Variants in KIF12 observed in about 807,000 individuals in gnomAD.
KIF12 encodes the protein kinesin-like protein KIF12.
In KIF12, 80 loss-of-function variants were observed where a neutral mutation model predicts 87.9. That is an observed-to-expected ratio of 0.91 (90% CI 0.76 to 1.10). The LOEUF (loss-of-function observed/expected upper bound fraction) is 1.10, where lower values mean the gene tolerates loss of function less well. Ranked by LOEUF, KIF12 falls within the 50% of genes least tolerant of loss-of-function variation. The pLI, the probability that KIF12 is intolerant of heterozygous loss-of-function variation, is 0.00. For synonymous variants in KIF12, 353 were observed against 348.5 expected, an observed-to-expected ratio of 1.01 and a Z score of -0.14; for missense variants, 819 against 865.3, an observed-to-expected ratio of 0.95 and a Z score of 0.67.
At position 114,096,538 on chromosome 9, in the gene KIF12, AG is replaced by A. The variant is rs995567431; in HGVS notation, c.647-61del. The A allele has an allele frequency of 1.7e-5, 23 of 1,379,822 alleles. No homozygotes were observed. The Admixed American group carries it at 4.5e-4, about 27-fold the overall frequency. 85.5% of individuals were successfully genotyped at this position (1,379,822 alleles called of 1,614,324 possible). A position where few individuals can be genotyped will look rare whatever the true frequency, so the allele number is the denominator to read the frequency against. Reference sequence around the variant, plus strand: ...AGGAAGAACAGGTCATCATCAATGAAGAAAAAGGAGCAAAGGAATCCTGGCG... The same window carrying A: ...AGGAAGAACAGGTCATCATCAATGAAAAAAAGGAGCAAAGGAATCCTGGCG... On this transcript the variant is annotated intron_variant, in intron 7 of 18. Transcript: ENST00000640217.
intron 3 of KIF12, among the ~76,000 whole-genome samples, chr9:114,098,685 G>A (rs1443715025): frequency 1.4e-4 from 11 of 80,614 alleles, no homozygotes; most frequent in African/African-American, 6.1e-4. Flanking sequence ...GAGGGGCGGG[G>A]CATTCTGGGG....
At position 114,094,389 on chromosome 9, in the gene KIF12, G is replaced by A. The variant is rs1847121883; in HGVS notation, c.1186C>T (p.Arg396Cys). The stretch of plus-strand genomic sequence containing the variant: ...ATTTGGTCCAGCTGGAACTGCAGGC[G>A]ACGGTTCTCCTCCTGGAGCTGCAGC... ...EMLQLQEENR[R>C]LQFQLDQMDC... is the part of the protein sequence containing the mutation. Residue 396 changes from arginine (R) to cysteine (C), a missense_variant, in exon 12 of 19, where the codon CGC (arginine) becomes TGC (cysteine). By Grantham distance (180) the Arg-to-Cys change is radical. Coordinates refer to ENST00000640217, the MANE Select transcript of KIF12 (RefSeq NM_001388308.1). 8 of 1,614,044 alleles carry A rather than the reference G, an allele frequency of 5.0e-6. No individual in the cohort carries two copies. Among genetic ancestry groups the A allele is most frequent in the East Asian group, 2.2e-5 (1 of 44,884 alleles).
At chr9:114,094,497 A>T in intron 11 of KIF12, 42 bp from the exon 12 acceptor site, 1 of 1,220,186 alleles carries the variant, frequency 8.2e-7, no homozygotes, top group South Asian at 1.3e-5. Flanking sequence ...TGGTTGTATA[A>T]GTCGTGCACT....
At chr9:114,095,174 C>T in intron 10 of KIF12, 40 bp downstream of exon 10, 1 of 1,611,252 alleles carries the variant, frequency 6.2e-7, no homozygotes, top group Non-Finnish European at 8.5e-7. Flanking sequence ...GGGCCCCTTC[C>T]TCAAGACCCA....
intron 13 of KIF12, 71 bp downstream of exon 13, chr9:114,094,110 C>A: frequency 6.7e-7 from 1 of 1,503,040 alleles, no homozygotes. Flanking sequence ...GGAGAGGAGG[C>A]AGTTTGCCAG....
intron 18 of KIF12, 152 bp downstream of exon 18, chr9:114,092,181 A>G (rs752265801): frequency 4.0e-5 from 60 of 1,484,276 alleles, no homozygotes; most frequent in Non-Finnish European, 5.0e-5. Flanking sequence ...GCTCCTAAAA[A>G]GAGAATTCCA....
Position 114,097,707 on chromosome 9 carries a change from C to T in KIF12, c.410G>A (p.Gly137Asp). 6.2e-7 allele frequency: 1 copy of T among 1,614,100 alleles called. No homozygotes were observed. The highest frequency in any genetic ancestry group is 1.7e-4 in the Middle Eastern group (1 of 6,048). Reference sequence around the variant, plus strand: ...CCAGGCGAAGGTCCTCTGCATGATGCCAGCCAGGCTGGGGGGTACAGGCAC... The same window carrying T: ...CCAGGCGAAGGTCCTCTGCATGATGTCAGCCAGGCTGGGGGGTACAGGCAC... Reference protein sequence around the residue: ...EGVPVPPSLAGIMQRTFAWLL... With the variant: ...EGVPVPPSLADIMQRTFAWLL... The change falls in exon 6 of 19, where the codon GGC becomes GAC. Residue 137 changes from glycine (G) to aspartate (D), a missense_variant. Coordinates refer to ENST00000640217, the MANE Select transcript of KIF12 (RefSeq NM_001388308.1).
intron 16 of KIF12, chr9:114,092,883 T>C (rs919226645): frequency 1.4e-6 from 2 of 1,430,402 alleles, no homozygotes; most frequent in Admixed American, 5.9e-5. Context: ...TATTTCTGAC[T>C]CCTCAGAGCC....
At chr9:114,094,614 C>A (rs963024513) in intron 11 of KIF12, among the ~76,000 whole-genome samples, 159 bp from the exon 12 acceptor site, 1 of 152,206 alleles carries the variant, frequency 6.6e-6, no homozygotes, top group African/African-American at 2.4e-5. Flanking sequence ...CTGGAAGGGG[C>A]ACCTTGTCCT....
intron 14 of KIF12, 42 bp from the exon 15 acceptor site, chr9:114,093,539 T>A: frequency 1.4e-6 from 2 of 1,473,902 alleles, no homozygotes; most frequent in Non-Finnish European, 1.9e-6. Flanking sequence ...CCTCCAACCC[T>A]ACCACCAAGC....
rs1847302709 is a variant in KIF12, at chr9:114,097,840, CCAAA to C, written c.376-103_376-100del. The C allele has an allele frequency of 3.8e-6, 5 of 1,327,236 alleles. 1 individual carries two copies. The South Asian group carries it at 5.6e-5, about 15-fold the overall frequency. 82.2% of individuals were successfully genotyped at this position (1,327,236 alleles called of 1,614,324 possible). A position where few individuals can be genotyped will look rare whatever the true frequency, so the allele number is the denominator to read the frequency against. The stretch of plus-strand genomic sequence containing the variant: ...GTGCGCCGGGAAACGTGCCAAGTTC[CCAAA>C]CAATGGCTCATTTAATTCATAGTCG... On this transcript the variant is annotated intron_variant, in intron 5 of 18. Transcript: ENST00000640217.
Position 114,098,158 on chromosome 9 carries a change from G to A in KIF12, c.332C>T (p.Thr111Met). Residue 111 changes from threonine to methionine, a missense_variant, in exon 5 of 19, where the codon ACG becomes ATG. Coordinates refer to ENST00000640217, the MANE Select transcript of KIF12 (RefSeq NM_001388308.1). ...CAGGGTGTAGGTCTTCCCAGAGCCC[G>A]TCTGGCCAAAGGTGAAAACAGTGCA... ...FSCTVFTFGQTGSGKTYTLTG... is the reference protein window; with the variant it reads ...FSCTVFTFGQMGSGKTYTLTG... 1 of 1,548,588 alleles carries A rather than the reference G, an allele frequency of 6.5e-7. No individual in the cohort carries two copies. The highest frequency in any genetic ancestry group is 8.7e-7 in the Non-Finnish European group (1 of 1,146,404).
chr9:114,094,388 C>T lies in KIF12; in HGVS notation c.1187G>A (p.Arg396His), dbSNP rs376905379. ...CATTTGGTCCAGCTGGAACTGCAGG[C>T]GACGGTTCTCCTCCTGGAGCTGCAG... The part of the protein sequence containing the change: ...EMLQLQEENR[R>H]LQFQLDQMDC... Residue 396 changes from arginine to histidine, a missense_variant, in exon 12 of 19, where the codon CGC becomes CAC. Transcript: ENST00000640217. 31 of 1,613,874 alleles carry T rather than the reference C, an allele frequency of 1.9e-5. No individual in the cohort carries two copies. Among genetic ancestry groups the T allele is most frequent in the Middle Eastern group, 1.6e-4 (1 of 6,084 alleles).
intron 5 of KIF12, 126 bp downstream of exon 5, chr9:114,097,989 C>A: frequency 3.8e-6 from 4 of 1,064,122 alleles, no homozygotes; most frequent in East Asian, 2.6e-5. Flanking sequence ...TCCTCGTCTG[C>A]AAACAAGCGG....
At chr9:114,095,153 C>G in intron 10 of KIF12, 26 bp from the exon 11 acceptor site, 1 of 1,608,294 alleles carries the variant, frequency 6.2e-7, no homozygotes. Context: ...CCCCTGAGCG[C>G]TCCTCTCTGA....
intron 16 of KIF12, chr9:114,092,865 G>A (rs949114300): frequency 4.2e-5 from 60 of 1,432,272 alleles, no homozygotes; most frequent in South Asian, 2.9e-4. Flanking sequence ...CAGGAACCAC[G>A]TCTGGTCTAT....
At chr9:114,095,433 C>T in intron 9 of KIF12, 101 bp from the exon 10 acceptor site, 1 of 1,242,212 alleles carries the variant, frequency 8.1e-7, no homozygotes, top group African/African-American at 1.5e-5. Context: ...CCTGTGTTGC[C>T]CTAAAAACCC....
intron 7 of KIF12, 31 bp downstream of exon 7, chr9:114,097,270 A>C: frequency 1.2e-6 from 2 of 1,600,696 alleles, no homozygotes; most frequent in Non-Finnish European, 1.7e-6. Flanking sequence ...GGGCACCCCT[A>C]CCCGCAAAAC....
intron 16 of KIF12, chr9:114,092,892 C>G (rs942315105): frequency 7.0e-7 from 1 of 1,431,202 alleles, no homozygotes; most frequent in Non-Finnish European, 9.1e-7. Flanking sequence ...CTCCTCAGAG[C>G]CCAGAAGAGA....
Sources: allele counts gnomAD v4.1 joint callset (sites outside exome capture counted in the v4.1 genomes callset), GRCh38; gene constraint gnomAD v4.1.1; transcripts MANE v1.5; gene names NCBI Gene and HGNC (gene_info 2026-07-23, HGNC 2026-07-21).